Variants in PARD6B observed in about 807,000 individuals in gnomAD.
PARD6B encodes par-6 family cell polarity regulator beta.
PARD6B carries 4 observed loss-of-function variants against 10.5 expected under a neutral mutation model. The observed-to-expected ratio is 0.38, with a 90% confidence interval of 0.19 to 0.87. The LOEUF (loss-of-function observed/expected upper bound fraction) is 0.87, where lower values mean the gene tolerates loss of function less well. Among genes scored for constraint, PARD6B ranks in the 40% least tolerant of loss-of-function variants. The probability of loss-of-function intolerance (pLI) is 0.41; values close to 1 mark genes in which losing one functional copy is unlikely to be tolerated. For missense variants in PARD6B, 396 were observed against 470.6 expected, an observed-to-expected ratio of 0.84 and a Z score of 1.47; for synonymous variants, 169 against 170.4, an observed-to-expected ratio of 0.99 and a Z score of 0.07.
chr20:50,741,227 C>G (rs1185783517), intron 2 of PARD6B, among the ~76,000 whole-genome samples: 1 of 152,076 alleles, frequency 6.6e-6, no homozygotes, highest in Non-Finnish European at 1.5e-5. Flanking sequence ...TCGAAGTGTT[C>G]TGGGATTACA....
At chr20:50,747,115 G>C (rs2087571520) in intron 2 of PARD6B, among the ~76,000 whole-genome samples, 1 of 152,170 alleles carries the variant, frequency 6.6e-6, no homozygotes, top group African/African-American at 2.4e-5. Flanking sequence ...GTTTTGAAGA[G>C]TGTTCACGCA....
At chr20:50,738,254 C>A (rs1568995859) in intron 2 of PARD6B, among the ~76,000 whole-genome samples, 175 bp downstream of exon 2, 1 of 152,302 alleles carries the variant, frequency 6.6e-6, no homozygotes, top group African/African-American at 2.4e-5. Flanking sequence ...TAATTAATAT[C>A]TTTATGCTTC....
At chr20:50,748,757 G>A (rs1233471095) in intron 2 of PARD6B, among the ~76,000 whole-genome samples, 6 of 152,074 alleles carry the variant, frequency 3.9e-5, no homozygotes, top group African/African-American at 1.4e-4. Context: ...GGGCTCAAGT[G>A]ATCCACTCAC....
intron 2 of PARD6B, among the ~76,000 whole-genome samples, chr20:50,742,375 A>ATTTTT (rs1245870009): frequency 6.7e-6 from 1 of 149,044 alleles, no homozygotes; most frequent in African/African-American, 2.5e-5. Context: ...ATTTTATTTT[A>ATTTTT]TTTTTTTTGA....
chr20:50,740,868 T>C (rs947479192), intron 2 of PARD6B, among the ~76,000 whole-genome samples: 1 of 152,172 alleles, frequency 6.6e-6, no homozygotes. Context: ...TGATTTGGAC[T>C]TCCCAACCTC....
chr20:50,750,250 A>T lies in PARD6B; in HGVS notation c.881A>T (p.Asp294Val). 4.3e-6 allele frequency: 7 copies of T among 1,614,230 alleles called. No homozygotes were observed. The highest frequency in any genetic ancestry group is 5.9e-6 in the Non-Finnish European group (7 of 1,180,044). Residue 294 changes from aspartate (D) to valine (V), a missense_variant, in exon 3 of 3, where the codon GAT becomes GTT. Coordinates refer to ENST00000371610, the MANE Select transcript of PARD6B (RefSeq NM_032521.3). Reference sequence around the variant, plus strand: ...CCAGAGGATGAAGACAGCGAAGAAGATGACATTATCATTGAAGACAATGGA... The same window carrying T: ...CCAGAGGATGAAGACAGCGAAGAAGTTGACATTATCATTGAAGACAATGGA... ...FEPEDEDSEE[D>V]DIIIEDNGVP...
intron 1 of PARD6B, among the ~76,000 whole-genome samples, chr20:50,733,684 T>G (rs900508117): frequency 6.6e-6 from 1 of 152,182 alleles, no homozygotes; most frequent in Non-Finnish European, 1.5e-5. Context: ...TGAACCTTCT[T>G]ATGGCATTTT....
chr20:50,735,295 C>G (rs967797417), intron 1 of PARD6B, among the ~76,000 whole-genome samples: 1 of 152,144 alleles, frequency 6.6e-6, no homozygotes, highest in African/African-American at 2.4e-5. Flanking sequence ...TGTGACTTTT[C>G]TTTGGTAACT....
At position 50,751,123 on chromosome 20, in the gene PARD6B, C is replaced by A; in HGVS notation, c.*635C>A. The A allele has an allele frequency of 1.9e-6, 1 of 530,734 alleles. No individual in the cohort carries two copies. The highest frequency in any genetic ancestry group is 2.4e-6 in the Non-Finnish European group (1 of 415,706). 32.9% of individuals were successfully genotyped at this position (530,734 alleles called of 1,614,324 possible). On this transcript the variant is annotated 3_prime_UTR_variant, in exon 3 of 3. Transcript: ENST00000371610. ...TAGCTGGGACCATAGGCACATACCA[C>A]CACATCTGTCTACTTTTTGTATTTT...
chr20:50,741,812 C>G (rs538690475), intron 2 of PARD6B, among the ~76,000 whole-genome samples: 2 of 152,220 alleles, frequency 1.3e-5, no homozygotes, highest in Admixed American at 1.3e-4. Context: ...TCCCAAAGTG[C>G]TGGGATTACA....
Position 50,739,164 on chromosome 20 carries a change from C to T in PARD6B, c.289+1085C>T, listed in dbSNP as rs144604640. On this transcript the variant is annotated intron_variant, in intron 2 of 2. Coordinates refer to ENST00000371610, the MANE Select transcript of PARD6B (RefSeq NM_032521.3). ...GCCAACCCAGAAAGTAGCTTGAGAG[C>T]GGCCAGGCTTGGTGGCTCACGTGTG... Among the ~76,000 whole-genome samples, 360 of 151,824 alleles carry T rather than the reference C, an allele frequency of 2.4e-3. 9 individuals carry two copies. In the East Asian group the frequency reaches 0.044, roughly 18 times the overall value.
intron 1 of PARD6B, 40 bp downstream of exon 1, chr20:50,731,892 G>T: frequency 7.3e-7 from 1 of 1,377,496 alleles, no homozygotes; most frequent in Non-Finnish European, 9.3e-7. Context: ...CGGGCCTGGG[G>T]GGCCGGGGCC....
Position 50,750,406 on chromosome 20 carries a change from C to G in PARD6B, c.1037C>G (p.Ala346Gly). 2 of 1,614,148 alleles carry G rather than the reference C, an allele frequency of 1.2e-6. No individual in the cohort carries two copies. Among genetic ancestry groups the G allele is most frequent in the South Asian group, 2.2e-5 (2 of 91,084 alleles). ...AATGAAGTGAGCTTAGCAGCCATAG[C>G]AAGCAGCTCAAACACGGAATTTGAA... Reference protein sequence around the residue: ...PSNEVSLAAIASSSNTEFETH... With the variant: ...PSNEVSLAAIGSSSNTEFETH... Residue 346 changes from alanine (A) to glycine (G), a missense_variant, in exon 3 of 3, where the codon GCA (alanine) becomes GGA (glycine). This residue lies in a region of PARD6B where 188 missense variants were observed against 169.7 expected (regional missense o/e 1.11). Transcript: ENST00000371610.
At chr20:50,748,289 AG>A (rs1420112179) in intron 2 of PARD6B, among the ~76,000 whole-genome samples, 1 of 152,250 alleles carries the variant, frequency 6.6e-6, no homozygotes. Context: ...GGTGGCAGTG[AG>A]CTGAGATCAT....
chr20:50,752,260 C>G lies in PARD6B; in HGVS notation c.*1772C>G, dbSNP rs1227865858. The G allele has an allele frequency of 1.0e-6, 1 of 985,252 alleles. No homozygotes were observed. Among genetic ancestry groups the G allele is most frequent in the Non-Finnish European group, 1.2e-6 (1 of 829,868 alleles). 61.0% of individuals were successfully genotyped at this position (985,252 alleles called of 1,614,324 possible). A position where few individuals can be genotyped will look rare whatever the true frequency, so the allele number is the denominator to read the frequency against. On this transcript the variant is annotated 3_prime_UTR_variant, in exon 3 of 3. Transcript: ENST00000371610. ...GCTTTTAATGCATCCAAGTATGCATCATTTTGGATAAAAAATACATCCAAA... is the reference window on the plus strand; with the variant it reads ...GCTTTTAATGCATCCAAGTATGCATGATTTTGGATAAAAAATACATCCAAA...
chr20:50,744,105 C>CT (rs753435244), intron 2 of PARD6B, among the ~76,000 whole-genome samples: 7,899 of 77,836 alleles, frequency 0.1, 1,008 homozygotes, highest in African/African-American at 0.15. Context: ...GAAGTAGCTT[C>CT]TTTTTTTTTT....
chr20:50,751,810 T>A lies in PARD6B; in HGVS notation c.*1322T>A. 1.1e-6 allele frequency: 1 copy of A among 932,554 alleles called. No homozygotes were observed. Among genetic ancestry groups the A allele is most frequent in the South Asian group, 5.0e-5 (1 of 20,014 alleles). 57.8% of individuals were successfully genotyped at this position (932,554 alleles called of 1,614,324 possible). A position where few individuals can be genotyped will look rare whatever the true frequency, so the allele number is the denominator to read the frequency against. Reference sequence around the variant, plus strand: ...CTCAGCTCCCGGGTTCAAGCAATTCTCCTGCCTCAGCCTTCTGAGTAGCTA... The same window carrying A: ...CTCAGCTCCCGGGTTCAAGCAATTCACCTGCCTCAGCCTTCTGAGTAGCTA... On this transcript the variant is annotated 3_prime_UTR_variant, in exon 3 of 3. Coordinates refer to ENST00000371610, the MANE Select transcript of PARD6B (RefSeq NM_032521.3).
intron 1 of PARD6B, 22 bp from the exon 2 acceptor site, chr20:50,737,835 A>G (rs1381032171): frequency 2.9e-6 from 4 of 1,392,018 alleles, no homozygotes; most frequent in Non-Finnish European, 3.8e-6. Flanking sequence ...TTTTTTAAGT[A>G]ATATGTTTGT....
Position 50,752,851 on chromosome 20 carries a change from G to T in PARD6B, c.*2363G>T, listed in dbSNP as rs2123711140. On this transcript the variant is annotated 3_prime_UTR_variant, in exon 3 of 3. Coordinates refer to ENST00000371610, the MANE Select transcript of PARD6B (RefSeq NM_032521.3). The stretch of plus-strand genomic sequence containing the variant: ...ATTATCAGTAAACTATTAACTGACT[G>T]CACATTATGTAATACGTTGTACTTT... 1.0e-6 allele frequency: 1 copy of T among 980,942 alleles called. No homozygotes were observed. The highest frequency in any genetic ancestry group is 1.7e-5 in the African/African-American group (1 of 57,218). 60.8% of individuals were successfully genotyped at this position (980,942 alleles called of 1,614,324 possible). A position where few individuals can be genotyped will look rare whatever the true frequency, so the allele number is the denominator to read the frequency against.
Sources: gnomAD v4.1 joint callset for allele counts (sites outside exome capture counted in the v4.1 genomes callset) on GRCh38, gnomAD v4.1.1 for gene constraint, gnomAD v4.1.1 regional missense constraint, MANE v1.5 for transcripts, NCBI Gene and HGNC (gene_info 2026-07-23, HGNC 2026-07-21) for gene names.